UNC5D: variants seen among roughly 807,000 people sequenced by gnomAD.
UNC5D encodes unc-5 netrin receptor D.
Under a neutral mutation model 105.4 loss-of-function variants are expected in UNC5D, and 39 were observed. The ratio of observed to expected loss-of-function variants is 0.37; its 90% confidence interval spans 0.29 to 0.48. The LOEUF (loss-of-function observed/expected upper bound fraction) is 0.48. Ranked by LOEUF, UNC5D falls within the 20% of genes least tolerant of loss-of-function variation. The pLI is 0.98. For synonymous variants in UNC5D, 452 were observed against 450.4 expected (o/e 1.00, Z -0.04); for missense variants, 991 against 1,202.4 (o/e 0.82, Z 2.60).
chr8:35,332,780 G>T (rs1810724881), intron 1 of UNC5D, among the ~76,000 whole-genome samples: 1 of 152,134 alleles, frequency 6.6e-6, no homozygotes, highest in South Asian at 2.1e-4. Context: ...GAACTTCAAT[G>T]GGCTTGGAAA....
Position 35,640,249 on chromosome 8 carries a change from C to T in UNC5D, c.571-43298C>T, listed in dbSNP as rs367576067. 3.9e-5 allele frequency among the ~76,000 whole-genome samples: 6 copies of T among 152,190 alleles called. No homozygotes were observed. The East Asian group carries it at 7.7e-4, about 20-fold the overall frequency. On this transcript the variant is annotated intron_variant, in intron 4 of 16. Transcript: ENST00000404895. ...GCTAGGCCAAATATTTTCCTGCTCTCAAGGTTTCTTGGTTGCACAAAATGA... is the reference window on the plus strand; with the variant it reads ...GCTAGGCCAAATATTTTCCTGCTCTTAAGGTTTCTTGGTTGCACAAAATGA...
chr8:35,699,436 A>G (rs1827023053), intron 7 of UNC5D, among the ~76,000 whole-genome samples: 2 of 152,164 alleles, frequency 1.3e-5, no homozygotes, highest in African/African-American at 4.8e-5. Context: ...TGAACAATGC[A>G]TAGTTAGAAG....
chr8:35,769,347 T>C (rs941505794), intron 15 of UNC5D, among the ~76,000 whole-genome samples: 3 of 152,206 alleles, frequency 2.0e-5, no homozygotes, highest in Admixed American at 2.0e-4. Flanking sequence ...TCTAATGGAT[T>C]AGCCTTAACT....
intron 1 of UNC5D, among the ~76,000 whole-genome samples, chr8:35,249,432 C>A (rs998993295): frequency 8.0e-5 from 12 of 150,668 alleles, no homozygotes; most frequent in African/African-American, 2.7e-4. Context: ...GTGGCAGGTG[C>A]CTGTAATCCC....
intron 2 of UNC5D, among the ~76,000 whole-genome samples, chr8:35,552,574 C>T (rs894946827): frequency 2.0e-5 from 3 of 152,166 alleles, no homozygotes; most frequent in African/African-American, 7.2e-5. Context: ...TTAATCTGGG[C>T]ATGTTTCTGG....
At chr8:35,706,263 A>C (rs184533071) in intron 8 of UNC5D, among the ~76,000 whole-genome samples, 1 of 152,342 alleles carries the variant, frequency 6.6e-6, no homozygotes, top group Non-Finnish European at 1.5e-5. Context: ...CATTAAAATT[A>C]ATAAATATTT....
At chr8:35,582,373 G>A (rs374397438) in intron 3 of UNC5D, among the ~76,000 whole-genome samples, 35 of 152,236 alleles carry the variant, frequency 2.3e-4, no homozygotes, top group East Asian at 3.9e-4. Flanking sequence ...CTGCTGGGTC[G>A]TTTTATTTTT....
intron 1 of UNC5D, 63 bp downstream of exon 1, chr8:35,235,950 G>A: frequency 1.7e-6 from 2 of 1,199,108 alleles, no homozygotes; most frequent in Non-Finnish European, 1.0e-6. Context: ...CTGACGGAGC[G>A]GGACCTGCAC....
chr8:35,418,523 A>G (rs2128963565), intron 1 of UNC5D, among the ~76,000 whole-genome samples: 1 of 152,344 alleles, frequency 6.6e-6, no homozygotes, highest in East Asian at 1.9e-4. Context: ...TGATGGAACC[A>G]GGAAGCATCT....
chr8:35,360,178 C>G (rs1801785140), intron 1 of UNC5D, among the ~76,000 whole-genome samples: 3 of 152,138 alleles, frequency 2.0e-5, no homozygotes, highest in Admixed American at 2.0e-4. Context: ...AGAGCTCTGT[C>G]TGCAGCTCAT....
intron 1 of UNC5D, among the ~76,000 whole-genome samples, chr8:35,547,135 A>G (rs936717032): frequency 1.3e-4 from 20 of 152,180 alleles, no homozygotes; most frequent in African/African-American, 4.8e-4. Flanking sequence ...GTGGCAAACT[A>G]TGCATGTGTG....
intron 1 of UNC5D, among the ~76,000 whole-genome samples, chr8:35,440,355 GT>G (rs1433712302): frequency 2.6e-5 from 4 of 151,924 alleles, no homozygotes; most frequent in African/African-American, 9.7e-5. Flanking sequence ...CTCAGCCCGG[GT>G]GTCTCGGAAA....
intron 1 of UNC5D, among the ~76,000 whole-genome samples, chr8:35,408,298 A>C (rs1804938932): frequency 6.6e-6 from 1 of 151,914 alleles, no homozygotes; most frequent in Non-Finnish European, 1.5e-5. Context: ...ATGCTCCTGA[A>C]AGTTCTTTTC....
At chr8:35,525,679 C>T in intron 1 of UNC5D, 5 of 1,609,504 alleles carry the variant, frequency 3.1e-6, no homozygotes, top group Non-Finnish European at 4.2e-6. Flanking sequence ...AAGGCTACCA[C>T]CTCGCCCTGC....
intron 4 of UNC5D, among the ~76,000 whole-genome samples, chr8:35,612,224 A>T (rs1820728394): frequency 6.6e-6 from 1 of 152,210 alleles, no homozygotes; most frequent in South Asian, 2.1e-4. Flanking sequence ...GGAATTAGAA[A>T]ACTCGGGAAG....
chr8:35,534,989 T>C (rs908936420), intron 1 of UNC5D, among the ~76,000 whole-genome samples: 2 of 152,110 alleles, frequency 1.3e-5, no homozygotes, highest in East Asian at 3.9e-4. Context: ...CACTGACCCA[T>C]TTGATTGATG....
At chr8:35,761,191 C>T (rs574374831) in intron 14 of UNC5D, among the ~76,000 whole-genome samples, 18 of 152,280 alleles carry the variant, frequency 1.2e-4, no homozygotes, top group Admixed American at 2.0e-4. Flanking sequence ...CCAAATTGAA[C>T]TTCAGAGTAT....
At chr8:35,486,905 C>T (rs570580331) in intron 1 of UNC5D, among the ~76,000 whole-genome samples, 2 of 152,234 alleles carry the variant, frequency 1.3e-5, no homozygotes, top group African/African-American at 4.8e-5. Context: ...CTGGCTTTCC[C>T]AGGGTCATAC....
At chr8:35,449,807 T>C (rs1320278412) in intron 1 of UNC5D, among the ~76,000 whole-genome samples, 3 of 152,080 alleles carry the variant, frequency 2.0e-5, no homozygotes, top group Admixed American at 6.6e-5. Flanking sequence ...CCACAGAGGC[T>C]CCTCTACATT....
Sources: allele counts gnomAD v4.1 joint callset (sites outside exome capture counted in the v4.1 genomes callset), GRCh38; gene constraint gnomAD v4.1.1; transcripts MANE v1.5; gene names NCBI Gene and HGNC (gene_info 2026-07-23, HGNC 2026-07-21).